CNBD2: variants seen among roughly 807,000 people sequenced by gnomAD.
CNBD2 encodes the protein cyclic nucleotide binding domain containing 2, also known as cyclic nucleotide-binding domain-containing protein 2.
Under a neutral mutation model 63.7 loss-of-function variants are expected in CNBD2, and 64 were observed. The ratio of observed to expected loss-of-function variants is 1.00; its 90% CI spans 0.82 to 1.24. CNBD2 has a LOEUF of 1.24. CNBD2 is among the 50% of genes most tolerant of loss of function. The pLI is 0.00. For synonymous variants in CNBD2, 229 were observed against 255.4 expected, an observed-to-expected ratio of 0.90 and a Z score of 0.99; for missense variants, 691 against 713.5, an observed-to-expected ratio of 0.97 and a Z score of 0.36.
chr20:36,001,195 C>A (rs1031579528), intron 8 of CNBD2, among the ~76,000 whole-genome samples: 18 of 152,092 alleles, frequency 1.2e-4, no homozygotes, highest in Admixed American at 1.2e-3. Flanking sequence ...CCTTTCCCCC[C>A]TTTCTATTCC....
intron 7 of CNBD2, among the ~76,000 whole-genome samples, chr20:35,993,270 C>G (rs2056773813): frequency 6.6e-6 from 1 of 152,136 alleles, no homozygotes; most frequent in Non-Finnish European, 1.5e-5. Flanking sequence ...AACATTTCCA[C>G]TACTCCAGAA....
At chr20:36,003,493 T>A (rs1474622011) in intron 8 of CNBD2, among the ~76,000 whole-genome samples, 1 of 152,208 alleles carries the variant, frequency 6.6e-6, no homozygotes, top group Non-Finnish European at 1.5e-5. Context: ...CTAGAGCTAG[T>A]TTCCCATTCG....
intron 7 of CNBD2, among the ~76,000 whole-genome samples, chr20:35,993,046 G>A (rs1318273589): frequency 6.6e-6 from 1 of 151,954 alleles, no homozygotes; most frequent in African/African-American, 2.4e-5. Context: ...GGGACACATA[G>A]TGGAACTGTT....
chr20:35,958,915 A>G (rs982782192), downstream of CNBD2: 6 of 152,208 alleles, frequency 3.9e-5, no homozygotes, highest in Non-Finnish European at 5.9e-5. Flanking sequence ...ACTTGGCACA[A>G]TTCCCTGGAG....
intron 8 of CNBD2, among the ~76,000 whole-genome samples, chr20:36,005,337 T>C (rs1282648239): frequency 6.6e-6 from 1 of 152,120 alleles, no homozygotes; most frequent in Admixed American, 6.6e-5. Context: ...CAGTTCTCAA[T>C]AGGGTTTGTG....
rs1286924218 is a variant in CNBD2, at chr20:35,995,183, G to A, written c.970+31G>A. Reference sequence around the variant, plus strand: ...CTGCCTTGGCCTGTCTGACAGCAGGGGGCGCCTGGGCCTGTCCTGTTTCCA... The same window carrying A: ...CTGCCTTGGCCTGTCTGACAGCAGGAGGCGCCTGGGCCTGTCCTGTTTCCA... On this transcript the variant is annotated intron_variant, in intron 8 of 11. Coordinates refer to ENST00000373973, the MANE Select transcript of CNBD2 (RefSeq NM_001365709.1). 3 of 1,461,112 alleles carry A rather than the reference G, an allele frequency of 2.1e-6. No homozygotes were observed. The Admixed American group carries it at 5.0e-5, about 25-fold the overall frequency. 90.5% of individuals were successfully genotyped at this position (1,461,112 alleles called of 1,614,324 possible). A position where few individuals can be genotyped will look rare whatever the true frequency, so the allele number is the denominator to read the frequency against.
chr20:35,987,679 A>G, intron 7 of CNBD2, 146 bp downstream of exon 7: 2 of 864,798 alleles, frequency 2.3e-6, no homozygotes, highest in South Asian at 1.7e-5. Flanking sequence ...TCCCAGCTGT[A>G]AGAGGCCTGC....
intron 6 of CNBD2, among the ~76,000 whole-genome samples, chr20:35,986,815 G>A (rs1285848300): frequency 6.6e-6 from 1 of 152,220 alleles, no homozygotes; most frequent in African/African-American, 2.4e-5. Flanking sequence ...CTGTGAACGT[G>A]GTGTTCAAGG....
chr20:35,975,775 A>AG (rs1266608852), intron 2 of CNBD2, among the ~76,000 whole-genome samples, 174 bp from the exon 3 acceptor site: 1 of 151,810 alleles, frequency 6.6e-6, no homozygotes, highest in Non-Finnish European at 1.5e-5. Context: ...ACCCAAGCCT[A>AG]GTGCTGAGTT....
chr20:35,975,223 G>A (rs374440716), intron 2 of CNBD2, among the ~76,000 whole-genome samples: 1 of 135,978 alleles, frequency 7.4e-6, no homozygotes, highest in Non-Finnish European at 1.5e-5. Flanking sequence ...GGATGGTCTC[G>A]ATCTCCTGAC....
At chr20:35,977,696 C>T (rs971642091) in intron 3 of CNBD2, among the ~76,000 whole-genome samples, 10 of 151,996 alleles carry the variant, frequency 6.6e-5, no homozygotes, top group Non-Finnish European at 1.5e-4. Context: ...CAACCCATCC[C>T]AAAAAAGCAA....
chr20:36,026,202 T>A (rs1404500201), intron 11 of CNBD2, among the ~76,000 whole-genome samples: 2 of 152,024 alleles, frequency 1.3e-5, no homozygotes, highest in Non-Finnish European at 2.9e-5. Flanking sequence ...CCTGGCTAAT[T>A]TTTTTGTATT....
chr20:36,020,880 G>A (rs1379963243), intron 10 of CNBD2, among the ~76,000 whole-genome samples: 1 of 152,070 alleles, frequency 6.6e-6, no homozygotes, highest in African/African-American at 2.4e-5. Context: ...CAGAGGAAAG[G>A]TGGCATAGCT....
intron 8 of CNBD2, among the ~76,000 whole-genome samples, chr20:36,006,729 A>C (rs1202537592): frequency 6.6e-6 from 1 of 152,180 alleles, no homozygotes; most frequent in Admixed American, 6.5e-5. Flanking sequence ...TAGTTCCATG[A>C]CAAATTTATA....
At chr20:36,001,498 C>A (rs1272139977) in intron 8 of CNBD2, among the ~76,000 whole-genome samples, 2 of 143,924 alleles carry the variant, frequency 1.4e-5, no homozygotes, top group African/African-American at 5.3e-5. Context: ...GGGGGGCTGA[C>A]CCCCCCACCT....
intron 7 of CNBD2, 61 bp from the exon 8 acceptor site, chr20:35,994,977 A>T (rs1036690022): frequency 5.2e-6 from 6 of 1,147,648 alleles, no homozygotes; most frequent in Non-Finnish European, 7.7e-6. Flanking sequence ...TTTTCTTCAA[A>T]GCCTGGCCTA....
At chr20:36,027,908 C>T (rs912998156) in intron 11 of CNBD2, among the ~76,000 whole-genome samples, 2 of 152,058 alleles carry the variant, frequency 1.3e-5, no homozygotes, top group African/African-American at 4.8e-5. Context: ...TGAGGTGATC[C>T]GCCCACCTCG....
At chr20:35,954,591 G>A, upstream of CNBD2, 1 of 1,415,690 alleles carries the variant, frequency 7.1e-7, no homozygotes, top group African/African-American at 1.4e-5. Context: ...TGAGGCGGCT[G>A]CTGCCCTCGC....
At chr20:36,005,961 A>C (rs2056978300) in intron 8 of CNBD2, among the ~76,000 whole-genome samples, 1 of 152,120 alleles carries the variant, frequency 6.6e-6, no homozygotes, top group Admixed American at 6.5e-5. Flanking sequence ...AAAAACAAAA[A>C]AACAAAAACA....
Sources: gnomAD v4.1 joint callset for allele counts (sites outside exome capture counted in the v4.1 genomes callset) on GRCh38, gnomAD v4.1.1 for gene constraint, MANE v1.5 for transcripts, NCBI Gene and HGNC (gene_info 2026-07-23, HGNC 2026-07-21) for gene names.